Variants in ZNF578 observed in about 807,000 individuals in gnomAD.
ZNF578 encodes the protein zinc finger protein 578, also known as Putative chemokine-related protein B42.
In ZNF578, 8 loss-of-function variants were observed where a neutral mutation model predicts 8.3. That is an observed-to-expected ratio of 0.96 (90% CI 0.56 to 1.74). ZNF578 has a LOEUF of 1.74. ZNF578 is among the 40% of genes most tolerant of loss of function. ZNF578 has a pLI of 0.00. For synonymous variants in ZNF578, 206 were observed against 232.2 expected, an observed-to-expected ratio of 0.89 and a Z score of 1.03; for missense variants, 726 against 707.5, an observed-to-expected ratio of 1.03 and a Z score of -0.30.
rs1172203025 is a variant in ZNF578, at chr19:52,511,390, C to T, written c.1009C>T (p.His337Tyr). 1.2e-6 allele frequency: 2 copies of T among 1,614,148 alleles called. No individual in the cohort carries two copies. Among genetic ancestry groups the T allele is most frequent in the Non-Finnish European group, 1.7e-6 (2 of 1,179,990 alleles). The change falls in exon 6 of 6, where the codon CAC becomes TAC. Residue 337 changes from histidine (H) to tyrosine (Y), a missense_variant. His to Tyr is a moderately conservative substitution (Grantham distance 83). Coordinates refer to ENST00000421239, the MANE Select transcript of ZNF578 (RefSeq NM_001099694.2). ...ATCCCTTACATGCCATCATAGGTGT[C>T]ACACTGGTGAGAAACCTTACAAGTG... ...KSSLTCHHRC[H>Y]TGEKPYKCNE...
intron 4 of ZNF578, among the ~76,000 whole-genome samples, chr19:52,503,486 C>T (rs750537032): frequency 6.6e-6 from 1 of 152,158 alleles, no homozygotes; most frequent in Non-Finnish European, 1.5e-5. Context: ...TCTGGGATTA[C>T]AGGCATTCGC....
In ZNF578 at chr19:52,516,429, C is replaced by T. The variant is rs1179056497; in HGVS notation, c.*4275C>T. On this transcript the variant is annotated 3_prime_UTR_variant, in exon 6 of 6. Transcript: ENST00000421239. ...CAGAGTTTCCCTGTAGGAGTTTATC[C>T]TCCATGGTGAGGAGGGCCGCAGGGG... 6.6e-6 allele frequency among the ~76,000 whole-genome samples: 1 copy of T among 152,188 alleles called. No individual in the cohort carries two copies. Among genetic ancestry groups the T allele is most frequent in the Non-Finnish European group, 1.5e-5 (1 of 68,032 alleles).
At chr19:52,461,341 A>G (rs1184582979) in intron 2 of ZNF578, among the ~76,000 whole-genome samples, 1 of 152,154 alleles carries the variant, frequency 6.6e-6, no homozygotes, top group African/African-American at 2.4e-5. Context: ...CCATATTAAC[A>G]GTCTGTCTAA....
intron 2 of ZNF578, among the ~76,000 whole-genome samples, chr19:52,470,999 C>G (rs1409258077): frequency 2.0e-5 from 3 of 152,150 alleles, no homozygotes; most frequent in Non-Finnish European, 4.4e-5. Context: ...CTTGTGAGAT[C>G]TGGTTGTTTA....
intron 2 of ZNF578, among the ~76,000 whole-genome samples, chr19:52,477,706 TC>T (rs1255757155): frequency 1.3e-5 from 2 of 152,180 alleles, no homozygotes; most frequent in African/African-American, 4.8e-5. Flanking sequence ...GCAGCTCAAT[TC>T]CCACATCTTG....
intron 3 of ZNF578, among the ~76,000 whole-genome samples, chr19:52,498,710 G>C (rs1238143878): frequency 1.6e-5 from 1 of 64,468 alleles, no homozygotes; most frequent in Non-Finnish European, 3.1e-5. Context: ...TTGTAAGACA[G>C]AGTGTCACCC....
intron 5 of ZNF578, among the ~76,000 whole-genome samples, chr19:52,507,712 G>A (rs2059430315): frequency 6.6e-6 from 1 of 152,174 alleles, no homozygotes; most frequent in South Asian, 2.1e-4. Flanking sequence ...TGACATGGGG[G>A]AAAGAGGAGC....
chr19:52,512,334 G>T lies in ZNF578; in HGVS notation c.*180G>T. ...ACCATCAGGCCATTCATGGTGTAGG[G>T]AAACTTGACTAATGTAATGATTGTC... On this transcript the variant is annotated 3_prime_UTR_variant, in exon 6 of 6. Coordinates refer to ENST00000421239, the MANE Select transcript of ZNF578 (RefSeq NM_001099694.2). 6.5e-7 allele frequency: 1 copy of T among 1,531,090 alleles called. No homozygotes were observed. Among genetic ancestry groups the T allele is most frequent in the Non-Finnish European group, 9.0e-7 (1 of 1,105,478 alleles). 94.8% of individuals were successfully genotyped at this position (1,531,090 alleles called of 1,614,324 possible).
chr19:52,506,064 A>G (rs914681937), intron 5 of ZNF578, among the ~76,000 whole-genome samples: 5 of 151,922 alleles, frequency 3.3e-5, no homozygotes, highest in African/African-American at 1.2e-4. Context: ...CAACCTAGTA[A>G]TTTTTGGTAG....
chr19:52,470,494 C>T (rs1226156636), intron 2 of ZNF578, among the ~76,000 whole-genome samples: 1 of 152,028 alleles, frequency 6.6e-6, no homozygotes, highest in Non-Finnish European at 1.5e-5. Context: ...TTGAGGGATG[C>T]CTAGATGGTT....
chr19:52,478,085 C>G (rs796627827), intron 2 of ZNF578, among the ~76,000 whole-genome samples: 2 of 152,334 alleles, frequency 1.3e-5, no homozygotes, highest in African/African-American at 4.8e-5. Flanking sequence ...CTGTGTCCAG[C>G]AGCACGGTTC....
intron 2 of ZNF578, among the ~76,000 whole-genome samples, chr19:52,485,870 T>C (rs1484955021): frequency 6.6e-6 from 1 of 152,180 alleles, no homozygotes; most frequent in African/African-American, 2.4e-5. Flanking sequence ...AGCCAGGTAT[T>C]GTCCAAGGTT....
At chr19:52,499,732 C>A (rs189424125) in intron 3 of ZNF578, among the ~76,000 whole-genome samples, 18 of 141,060 alleles carry the variant, frequency 1.3e-4, no homozygotes, top group African/African-American at 4.5e-4. Context: ...ATGGCTGAGG[C>A]TGGAGTGCAA....
intron 2 of ZNF578, among the ~76,000 whole-genome samples, chr19:52,481,604 C>A (rs2059326650): frequency 6.6e-6 from 1 of 152,186 alleles, no homozygotes; most frequent in South Asian, 2.1e-4. Flanking sequence ...CACTTGTAAT[C>A]CCTATTCAGC....
At chr19:52,494,492 G>T (rs1203829879) in intron 3 of ZNF578, among the ~76,000 whole-genome samples, 2 of 152,166 alleles carry the variant, frequency 1.3e-5, no homozygotes, top group African/African-American at 4.8e-5. Flanking sequence ...GCAAGACCCT[G>T]TCTTAAAAGA....
At chr19:52,467,853 C>T (rs1250391769) in intron 2 of ZNF578, among the ~76,000 whole-genome samples, 1 of 151,948 alleles carries the variant, frequency 6.6e-6, no homozygotes, top group Non-Finnish European at 1.5e-5. Context: ...AGATAGAATG[C>T]CTAAAACATC....
intron 5 of ZNF578, among the ~76,000 whole-genome samples, chr19:52,505,985 C>T (rs2122965059): frequency 6.6e-6 from 1 of 152,044 alleles, no homozygotes; most frequent in South Asian, 2.1e-4. Flanking sequence ...GCACCCTCCA[C>T]CTATTGGATT....
At chr19:52,510,459 A>T (rs549177909) in intron 5 of ZNF578, 113 bp from the exon 6 acceptor site, 1 of 1,343,950 alleles carries the variant, frequency 7.4e-7, no homozygotes, top group Non-Finnish European at 9.7e-7. Flanking sequence ...AACTTTGAAG[A>T]TCATGTTTGG....
chr19:52,474,116 C>A, intron 2 of ZNF578: 1 of 343,542 alleles, frequency 2.9e-6, no homozygotes, highest in Non-Finnish European at 6.1e-6. Flanking sequence ...TAGGGATAAA[C>A]TATGCCTGAA....
Sources: allele counts gnomAD v4.1 joint callset (sites outside exome capture counted in the v4.1 genomes callset), GRCh38; gene constraint gnomAD v4.1.1; transcripts MANE v1.5; gene names NCBI Gene and HGNC (gene_info 2026-07-23, HGNC 2026-07-21).